The following ANKRD31 variants were observed in gnomAD, a reference collection of about 807,000 sequenced individuals.
ANKRD31 encodes the protein ankyrin repeat domain 31, also known as ankyrin repeat domain-containing protein 31.
Under a neutral mutation model 186.0 loss-of-function variants are expected in ANKRD31, and 147 were observed. The observed-to-expected ratio is 0.79, with a 90% CI of 0.69 to 0.91. The LOEUF (loss-of-function observed/expected upper bound fraction) is 0.91, where lower values mean the gene tolerates loss of function less well. Ranked by LOEUF, ANKRD31 falls within the 40% of genes least tolerant of loss-of-function variation. The pLI is 0.00. For synonymous variants in ANKRD31, 673 were observed against 736.4 expected, an observed-to-expected ratio of 0.91 and a Z score of 1.39; for missense variants, 1,986 against 2,148.8, an observed-to-expected ratio of 0.92 and a Z score of 1.50.
chr5:75,082,182 C>T (rs183396722), intron 24 of ANKRD31, among the ~76,000 whole-genome samples: 2 of 152,288 alleles, frequency 1.3e-5, no homozygotes, highest in Admixed American at 1.3e-4. Flanking sequence ...GTGGAGAATG[C>T]ACCCTATTAA....
chr5:75,089,118 G>A (rs755668434), intron 23 of ANKRD31, among the ~76,000 whole-genome samples: 4 of 152,068 alleles, frequency 2.6e-5, no homozygotes, highest in East Asian at 1.9e-4. Context: ...CAATGTGATC[G>A]AAAACCATTG....
chr5:75,204,586 C>G (rs1276408942), intron 5 of ANKRD31, among the ~76,000 whole-genome samples: 1 of 152,120 alleles, frequency 6.6e-6, no homozygotes, highest in Non-Finnish European at 1.5e-5. Flanking sequence ...ATAGGCAGGG[C>G]CATCTAAGGC....
intron 21 of ANKRD31, among the ~76,000 whole-genome samples, chr5:75,105,713 T>G (rs887981060): frequency 1.3e-5 from 2 of 152,178 alleles, no homozygotes; most frequent in African/African-American, 4.8e-5. Flanking sequence ...GATTGTTTTG[T>G]GAATAATCAT....
intron 5 of ANKRD31, among the ~76,000 whole-genome samples, chr5:75,200,297 CT>C (rs373390533): frequency 7.3e-4 from 105 of 144,026 alleles, no homozygotes; most frequent in Middle Eastern, 7.3e-3. Flanking sequence ...TTCTTTCTTT[CT>C]TTTTTTTTTT....
At chr5:75,116,817 C>T (rs186969483) in intron 18 of ANKRD31, 136 bp from the exon 19 acceptor site, 242 of 441,312 alleles carry the variant, frequency 5.5e-4, no homozygotes, top group East Asian at 2.2e-3. Context: ...CACTCATCAT[C>T]GTCATTAATT....
chr5:75,180,079 T>C (rs944467500), intron 10 of ANKRD31, among the ~76,000 whole-genome samples: 1 of 152,204 alleles, frequency 6.6e-6, no homozygotes, highest in Admixed American at 6.5e-5. Flanking sequence ...AGCATTCTTA[T>C]ACACCTATAA....
chr5:75,077,518 T>C (rs1001637494), intron 25 of ANKRD31, among the ~76,000 whole-genome samples: 1 of 151,918 alleles, frequency 6.6e-6, no homozygotes, highest in South Asian at 2.1e-4. Flanking sequence ...ATTAAAATCT[T>C]ATAGGTGGTT....
In ANKRD31 at chr5:75,070,218, T is replaced by A. The variant is rs568291709; in HGVS notation, c.5648-1554A>T. Among the ~76,000 whole-genome samples the A allele has an allele frequency of 9.9e-5, 15 of 152,238 alleles. No homozygotes were observed. In the East Asian group the frequency reaches 2.5e-3, roughly 25 times the overall value. ...CCGGAAACAAGGTATCTCATAAAAG[T>A]TAAGGAATATTTTTTTCTTAGGAAA... On this transcript the variant is annotated intron_variant, in intron 25 of 25. Transcript: ENST00000506364.
intron 23 of ANKRD31, 80 bp downstream of exon 23, chr5:75,091,181 C>T (rs1046764598): frequency 1.4e-6 from 2 of 1,439,682 alleles, no homozygotes; most frequent in Non-Finnish European, 1.8e-6. Flanking sequence ...TTCAGATTTC[C>T]TTAAAAAATA....
chr5:75,169,220 C>G, intron 10 of ANKRD31, 99 bp from the exon 11 acceptor site: 2 of 1,359,440 alleles, frequency 1.5e-6, no homozygotes, highest in South Asian at 2.9e-5. Flanking sequence ...GTTCTTTCTT[C>G]AAAAATATTT....
At chr5:75,155,063 A>G (rs2150159877) in intron 11 of ANKRD31, among the ~76,000 whole-genome samples, 1 of 152,164 alleles carries the variant, frequency 6.6e-6, no homozygotes, top group African/African-American at 2.4e-5. Flanking sequence ...AACTTTCTTG[A>G]GGGTGGGACT....
chr5:75,175,925 C>G (rs1418408802), intron 10 of ANKRD31, among the ~76,000 whole-genome samples: 1 of 152,062 alleles, frequency 6.6e-6, no homozygotes, highest in Non-Finnish European at 1.5e-5. Context: ...TGAGCCGAAG[C>G]AGGGTGAGGC....
chr5:75,134,764 C>G (rs1170944729), intron 17 of ANKRD31, among the ~76,000 whole-genome samples: 2 of 152,126 alleles, frequency 1.3e-5, no homozygotes, highest in Non-Finnish European at 2.9e-5. Context: ...ATGCAAAATC[C>G]TCAGTAAAAT....
chr5:75,214,028 T>C (rs2150293425), intron 3 of ANKRD31, among the ~76,000 whole-genome samples: 1 of 152,302 alleles, frequency 6.6e-6, no homozygotes, highest in African/African-American at 2.4e-5. Context: ...GCTAACAACA[T>C]TTGCTTAAGA....
intron 2 of ANKRD31, chr5:75,225,605 A>G: frequency 4.3e-6 from 1 of 234,496 alleles, no homozygotes; most frequent in South Asian, 5.5e-5. Flanking sequence ...AACCAATAAC[A>G]CAAACACAAA....
chr5:75,182,321 A>T (rs1157773597), intron 10 of ANKRD31, among the ~76,000 whole-genome samples: 2 of 152,184 alleles, frequency 1.3e-5, no homozygotes, highest in African/African-American at 4.8e-5. Flanking sequence ...TCAGAAACTC[A>T]AAAGTCGTTA....
intron 25 of ANKRD31, among the ~76,000 whole-genome samples, chr5:75,075,371 C>T (rs1392093452): frequency 1.3e-5 from 2 of 152,148 alleles, no homozygotes; most frequent in Non-Finnish European, 2.9e-5. Context: ...TCTTATCCTT[C>T]TAAAATTTAT....
At chr5:75,127,905 A>G (rs571235074) in intron 17 of ANKRD31, among the ~76,000 whole-genome samples, 24 of 152,328 alleles carry the variant, frequency 1.6e-4, no homozygotes, top group African/African-American at 5.1e-4. Flanking sequence ...ATAATGATAA[A>G]TGGTATTTTT....
At chr5:75,195,608 G>T (rs544953802) in intron 7 of ANKRD31, 23 bp downstream of exon 7, 1 of 1,484,674 alleles carries the variant, frequency 6.7e-7, no homozygotes, top group South Asian at 1.3e-5. Context: ...TGGTGGAGTA[G>T]AACAAAGAAA....
Sources: gnomAD v4.1 joint callset for allele counts (sites outside exome capture counted in the v4.1 genomes callset) on GRCh38, gnomAD v4.1.1 for gene constraint, MANE v1.5 for transcripts, NCBI Gene and HGNC (gene_info 2026-07-23, HGNC 2026-07-21) for gene names.